CFAP70: variants seen among roughly 807,000 people sequenced by gnomAD.
The protein encoded by CFAP70 is cilia- and flagella-associated protein 70.
A neutral mutation model predicts 137.6 loss-of-function variants in CFAP70; 81 were observed. That is an observed-to-expected ratio of 0.59 (90% CI 0.49 to 0.71). CFAP70 has a LOEUF of 0.71. CFAP70 is among the 30% of genes least tolerant of loss of function. The probability of loss-of-function intolerance (pLI) is 0.00; values close to 1 mark genes in which losing one functional copy is unlikely to be tolerated. For missense variants in CFAP70, 976 were observed against 1,226.7 expected (o/e 0.80, Z 3.05); for synonymous variants, 382 against 423.6 (o/e 0.90, Z 1.20).
rs560552880 is a variant in CFAP70 at position 73,281,098 on chromosome 10, CTATCAT to C, written c.2240-2767_2240-2762del. 1.4e-3 allele frequency among the ~76,000 whole-genome samples: 208 copies of C among 152,228 alleles called. 2 individuals carry two copies. The highest frequency in any genetic ancestry group is 6.8e-3 in the Middle Eastern group (2 of 294). On this transcript the variant is annotated intron_variant, in intron 19 of 26. Transcript: ENST00000310715. ...ATTCCACACATTTTGCTTTGTTTTG[CTATCAT>C]TATCATTAAGTTCAAACTATTTTCT...
intron 12 of CFAP70, among the ~76,000 whole-genome samples, chr10:73,309,501 C>T (rs1047332641): frequency 6.6e-6 from 1 of 152,026 alleles, no homozygotes; most frequent in Admixed American, 6.6e-5. Context: ...GAGATGGGGT[C>T]TCACTATGTT....
intron 24 of CFAP70, among the ~76,000 whole-genome samples, chr10:73,270,130 G>T (rs1003775523): frequency 2.6e-5 from 4 of 151,934 alleles, no homozygotes; most frequent in African/African-American, 9.7e-5. Context: ...TCTTTACATT[G>T]TGCATCCTTT....
chr10:73,308,980 AG>A (rs1482450410), intron 12 of CFAP70, among the ~76,000 whole-genome samples: 1 of 152,194 alleles, frequency 6.6e-6, no homozygotes, highest in African/African-American at 2.4e-5. Flanking sequence ...AACTAGCAAA[AG>A]GGGGGCACAC....
rs2048699130 is a variant in CFAP70 at position 73,298,416 on chromosome 10, T to C, written c.1512+491A>G. Among the ~76,000 whole-genome samples the C allele has an allele frequency of 2.0e-5, 3 of 152,192 alleles. No individual in the cohort carries two copies. In the South Asian group the frequency reaches 6.2e-4, roughly 31 times the overall value. On this transcript the variant is annotated intron_variant, in intron 14 of 26. Transcript: ENST00000310715. ...AGATTTGGAGTTTTTTGTTTTTGTT[T>C]ATACATTCTGAATTTTAAAAAGTAA... is the stretch of plus-strand genomic sequence containing the variant.
chr10:73,293,109 GA>G (rs2048294745), intron 16 of CFAP70, among the ~76,000 whole-genome samples, 153 bp downstream of exon 17: 1 of 152,154 alleles, frequency 6.6e-6, no homozygotes, highest in Non-Finnish European at 1.5e-5. Context: ...GTCAAAAATT[GA>G]ATGACCTTAT....
intron 24 of CFAP70, among the ~76,000 whole-genome samples, chr10:73,270,543 T>TCCCCCTCCCCTCCCCTCTCCTC (rs2046218335): frequency 1.6e-5 from 1 of 60,770 alleles, no homozygotes; most frequent in African/African-American, 6.8e-5. Context: ...TCCCCTCCCC[T>TCCCCCTCCCCTCCCCTCTCCTC]TCCCTTCTCT....
At chr10:73,263,383 C>T (rs144020307) in intron 25 of CFAP70, among the ~76,000 whole-genome samples, 3 of 152,146 alleles carry the variant, frequency 2.0e-5, no homozygotes, top group Admixed American at 6.5e-5. Context: ...ACGCCCAGCC[C>T]AATAATGTCT....
chr10:73,325,137 G>C (rs1391246129), intron 8 of CFAP70, among the ~76,000 whole-genome samples: 3 of 152,152 alleles, frequency 2.0e-5, no homozygotes, highest in Non-Finnish European at 4.4e-5. Context: ...CAGCGGATCT[G>C]TTGGCAGAAA....
intron 3 of CFAP70, among the ~76,000 whole-genome samples, chr10:73,351,071 G>GTATATATATA (rs1158760266): frequency 6.1e-4 from 19 of 31,372 alleles, no homozygotes; most frequent in Non-Finnish European, 1.0e-3. Context: ...GTGTGTGTGT[G>GTATATATATA]TATATATATA....
intron 9 of CFAP70, among the ~76,000 whole-genome samples, chr10:73,318,145 A>G (rs2050552475): frequency 1.3e-5 from 2 of 152,170 alleles, no homozygotes; most frequent in Non-Finnish European, 2.9e-5. Context: ...AAGGCAGAGC[A>G]GCCCCAGACA....
intron 15 of CFAP70, 92 bp from the exon 17 acceptor site, chr10:73,293,480 T>C: frequency 8.5e-7 from 1 of 1,181,466 alleles, no homozygotes; most frequent in South Asian, 1.7e-5. Flanking sequence ...GATCCAGTTA[T>C]GACGTCTAAA....
chr10:73,291,521 T>C, intron 18 of CFAP70, 77 bp from the exon 20 acceptor site: 1 of 1,513,276 alleles, frequency 6.6e-7, no homozygotes, highest in Non-Finnish European at 9.1e-7. Context: ...TTTCACTTAT[T>C]TTTCCCATAT....
intron 6 of CFAP70, among the ~76,000 whole-genome samples, chr10:73,340,687 G>A (rs2053167492): frequency 6.6e-6 from 1 of 152,216 alleles, no homozygotes; most frequent in African/African-American, 2.4e-5. Flanking sequence ...TCTGGAGGGG[G>A]ATCAAGGTGG....
chr10:73,296,854 T>C, intron 15 of CFAP70, 188 bp downstream of exon 16: 1 of 455,948 alleles, frequency 2.2e-6, no homozygotes, highest in East Asian at 3.8e-5. Context: ...ATCTCCTTGT[T>C]TTTTTCCAAA....
At chr10:73,256,508 A>G in intron 25 of CFAP70, 92 bp from the exon 27 acceptor site, 1 of 1,325,974 alleles carries the variant, frequency 7.5e-7, no homozygotes, top group Non-Finnish European at 1.1e-6. Context: ...AGGCACCTAC[A>G]CCTAAGGCAG....
upstream of CFAP70, among the ~76,000 whole-genome samples, chr10:73,360,329 G>A (rs1406559438): frequency 2.6e-5 from 4 of 152,086 alleles, no homozygotes; most frequent in African/African-American, 9.7e-5. Flanking sequence ...AGACTAACAA[G>A]GGATACATAC....
chr10:73,289,535 C>T (rs1015268785), intron 19 of CFAP70, among the ~76,000 whole-genome samples: 3 of 151,866 alleles, frequency 2.0e-5, no homozygotes, highest in Admixed American at 6.6e-5. Context: ...CCGCCTGCCT[C>T]GGCCTCCCAG....
intron 7 of CFAP70, among the ~76,000 whole-genome samples, chr10:73,332,073 C>T (rs1463651385): frequency 2.0e-5 from 3 of 152,134 alleles, no homozygotes; most frequent in East Asian, 1.9e-4. Flanking sequence ...AAACTGCCAT[C>T]CTGAAATTGA....
chr10:73,256,520 G>C, intron 25 of CFAP70, 104 bp from the exon 27 acceptor site: 2 of 1,118,998 alleles, frequency 1.8e-6, no homozygotes, highest in Non-Finnish European at 2.7e-6. Flanking sequence ...CTAAGGCAGA[G>C]GCTTCTACAC....
Sources: gnomAD v4.1 joint callset for allele counts (sites outside exome capture counted in the v4.1 genomes callset) on GRCh38, gnomAD v4.1.1 for gene constraint, MANE v1.5 for transcripts, NCBI Gene and HGNC (gene_info 2026-07-23, HGNC 2026-07-21) for gene names.